Variants in SORCS1 observed in about 807,000 individuals in gnomAD.
SORCS1 encodes the protein VPS10 domain-containing receptor SorCS1.
SORCS1 carries 60 observed loss-of-function variants against 146.1 expected under a neutral mutation model. The observed-to-expected ratio is 0.41, with a 90% confidence interval of 0.33 to 0.51. The LOEUF (loss-of-function observed/expected upper bound fraction) is 0.51, where lower values mean the gene tolerates loss of function less well. SORCS1 is among the 20% of genes least tolerant of loss of function. The pLI, the probability that SORCS1 is intolerant of heterozygous loss-of-function variation, is 0.21. For missense variants in SORCS1, 1,352 were observed against 1,487.6 expected, an observed-to-expected ratio of 0.91 and a Z score of 1.50; for synonymous variants, 637 against 584.0, an observed-to-expected ratio of 1.09 and a Z score of -1.31.
intron 18 of SORCS1, among the ~76,000 whole-genome samples, chr10:106,647,681 CT>C (rs1849550234): frequency 6.6e-6 from 1 of 152,056 alleles, no homozygotes; most frequent in Non-Finnish European, 1.5e-5. Flanking sequence ...CCTGAAAGAG[CT>C]TTATTCAAGA....
chr10:106,987,999 T>C (rs1187892891), intron 1 of SORCS1, among the ~76,000 whole-genome samples: 3 of 152,196 alleles, frequency 2.0e-5, no homozygotes, highest in East Asian at 3.8e-4. Context: ...CCTGTTATAG[T>C]AAAGGCCATT....
intron 25 of SORCS1, 71 bp from the exon 26 acceptor site, chr10:106,577,626 T>A: frequency 6.3e-7 from 1 of 1,591,544 alleles, no homozygotes. Flanking sequence ...GACTTTGCAA[T>A]GTGCTGCGAT....
At position 106,679,385 on chromosome 10, in the gene SORCS1, T is replaced by C. The variant is rs1852269590; in HGVS notation, c.1664-53A>G. The C allele has an allele frequency of 2.1e-6, 3 of 1,401,612 alleles. No individual in the cohort carries two copies. The South Asian group carries it at 3.5e-5, about 17-fold the overall frequency. The allele number at this position is 1,401,612 out of a possible 1,614,324, so 86.8% of individuals were successfully genotyped here. A position where few individuals can be genotyped will look rare whatever the true frequency, so the allele number is the denominator to read the frequency against. ...AAAGAACTTTCTGCAAAAGCAACAA[T>C]GGACTATATTGGCAGGTGCACTGCC... On this transcript the variant is annotated intron_variant, in intron 11 of 25. Coordinates refer to ENST00000263054, the MANE Select transcript of SORCS1 (RefSeq NM_052918.5).
In SORCS1 at chr10:106,779,545, A is replaced by ATTT. The variant is rs1491495992; in HGVS notation, c.727-2854_727-2853insAAA. Among the ~76,000 whole-genome samples the ATTT allele has an allele frequency of 6.0e-5, 7 of 116,744 alleles. 2 individuals carry two copies. Among genetic ancestry groups the ATTT allele is most frequent in the Admixed American group, 8.4e-5 (1 of 11,844 alleles). The allele number at this position is 116,744 out of a possible 152,430, so 76.6% of individuals were successfully genotyped here. A position where few individuals can be genotyped will look rare whatever the true frequency, so the allele number is the denominator to read the frequency against. ...TCTTTTAAGTTTGACATTATGGCCCATATTTTTTTTTTTTTTTTTTTTGAG... is the reference window on the plus strand; with the variant it reads ...TCTTTTAAGTTTGACATTATGGCCCATTTTATTTTTTTTTTTTTTTTTTTTGAG... On this transcript the variant is annotated intron_variant, in intron 3 of 25. Coordinates refer to ENST00000263054, the MANE Select transcript of SORCS1 (RefSeq NM_052918.5).
intron 1 of SORCS1, among the ~76,000 whole-genome samples, chr10:107,010,685 G>A (rs1454896459): frequency 1.7e-5 from 2 of 119,464 alleles, no homozygotes; most frequent in African/African-American, 4.7e-5. Flanking sequence ...TAACCGTGGG[G>A]CCTGTGGGTC....
rs544591800 is a variant in SORCS1, at chr10:106,832,349, C to A, written c.627-2676G>T. On this transcript the variant is annotated intron_variant, in intron 2 of 25. Coordinates refer to ENST00000263054, the MANE Select transcript of SORCS1 (RefSeq NM_052918.5). ...GATTACAGGCACACATCACCACATC[C>A]AGCTAATTTTTGTATTTTTAGTAGA... 1.2e-4 allele frequency among the ~76,000 whole-genome samples: 19 copies of A among 152,072 alleles called. No individual in the cohort carries two copies. In the South Asian group the frequency reaches 3.5e-3, roughly 28 times the overall value.
chr10:107,147,948 A>G (rs1444221110), intron 1 of SORCS1, among the ~76,000 whole-genome samples: 1 of 152,158 alleles, frequency 6.6e-6, no homozygotes, highest in Non-Finnish European at 1.5e-5. Flanking sequence ...TGTTGGAGAA[A>G]TCGTCAGACA....
intron 2 of SORCS1, among the ~76,000 whole-genome samples, chr10:106,832,108 T>C (rs1164080859): frequency 1.3e-5 from 2 of 152,200 alleles, no homozygotes; most frequent in Non-Finnish European, 2.9e-5. Context: ...TCATAGCTTG[T>C]TTGAGGGAAT....
intron 21 of SORCS1, among the ~76,000 whole-genome samples, chr10:106,615,080 A>C (rs1847267662): frequency 6.6e-6 from 1 of 151,942 alleles, no homozygotes; most frequent in Non-Finnish European, 1.5e-5. Flanking sequence ...AATCTCACTA[A>C]ATTTCAAACA....
chr10:107,164,779 C>T (rs1199237312), upstream of SORCS1, among the ~76,000 whole-genome samples: 1 of 148,646 alleles, frequency 6.7e-6, no homozygotes, highest in Non-Finnish European at 1.5e-5. The surrounding 1 kb of genome is among the most constrained non-coding windows in gnomAD (Gnocchi z 6.8). Flanking sequence ...ACTGGCGGAG[C>T]GGGCGCGGGC....
Position 106,824,754 on chromosome 10 carries a change from AAC to A in SORCS1, c.726+4818_726+4819del, listed in dbSNP as rs528566611. On this transcript the variant is annotated intron_variant, in intron 3 of 25. Coordinates refer to ENST00000263054, the MANE Select transcript of SORCS1 (RefSeq NM_052918.5). ...AATTAAAACTTAAACATCTGGAGAAAACACAGTGTTTAATGCTGGTATGTACC... is the reference window on the plus strand; with the variant it reads ...AATTAAAACTTAAACATCTGGAGAAAACAGTGTTTAATGCTGGTATGTACC... 2.9e-3 allele frequency among the ~76,000 whole-genome samples: 449 copies of A among 152,306 alleles called. 3 individuals are homozygous for A. The highest frequency in any genetic ancestry group is 0.01 in the African/African-American group (429 of 41,552).
At chr10:107,160,906 G>T (rs1969651659) in intron 1 of SORCS1, among the ~76,000 whole-genome samples, 1 of 152,098 alleles carries the variant, frequency 6.6e-6, no homozygotes, top group Non-Finnish European at 1.5e-5. Context: ...TTAGATCAGG[G>T]CACAGCATGC....
At chr10:106,654,380 G>T (rs1850116871) in intron 17 of SORCS1, among the ~76,000 whole-genome samples, 1 of 152,150 alleles carries the variant, frequency 6.6e-6, no homozygotes, top group African/African-American at 2.4e-5. Flanking sequence ...TTTGTCTCTA[G>T]CACACATCCC....
intron 2 of SORCS1, among the ~76,000 whole-genome samples, chr10:106,939,281 C>T (rs1047472367): frequency 6.6e-6 from 1 of 152,174 alleles, no homozygotes; most frequent in African/African-American, 2.4e-5. Flanking sequence ...AAAGGGTATA[C>T]GTTTGGAATA....
Position 107,164,677 on chromosome 10 carries a change from G to C in SORCS1, c.-151C>G, listed in dbSNP as rs1969981555. 4 of 581,492 alleles carry C rather than the reference G, an allele frequency of 6.9e-6. No individual in the cohort carries two copies. The highest frequency in any genetic ancestry group is 1.0e-5 in the Non-Finnish European group (4 of 394,266). The allele number at this position is 581,492 out of a possible 1,614,324, so 36.0% of individuals were successfully genotyped here. A position where few individuals can be genotyped will look rare whatever the true frequency, so the allele number is the denominator to read the frequency against. ...GGCGGGCGGAGGCGGCGCCGGGCAG[G>C]TGGCGGCCGCTTGCCCGGGCTGGGC... On this transcript the variant is annotated 5_prime_UTR_variant, in exon 1 of 26. Transcript: ENST00000263054. The surrounding 1 kb of genome is among the most constrained non-coding windows in gnomAD (Gnocchi z 6.8).
At chr10:107,109,275 T>C (rs1278845528) in intron 1 of SORCS1, among the ~76,000 whole-genome samples, 1 of 152,236 alleles carries the variant, frequency 6.6e-6, no homozygotes, top group Admixed American at 6.5e-5. Flanking sequence ...AGAGGTTCTC[T>C]GTGAGGGTTA....
chr10:106,642,647 C>A (rs549775546), intron 18 of SORCS1, among the ~76,000 whole-genome samples: 7 of 151,914 alleles, frequency 4.6e-5, no homozygotes, highest in Admixed American at 3.9e-4. Context: ...TAATTTATAC[C>A]CAAGCCTCTG....
At chr10:106,943,239 A>G (rs1409008233) in intron 2 of SORCS1, among the ~76,000 whole-genome samples, 1 of 152,020 alleles carries the variant, frequency 6.6e-6, no homozygotes, top group Admixed American at 6.6e-5. Context: ...TCCTCTGCCT[A>G]ATTTTTCTTC....
At chr10:106,796,124 A>G (rs1377139003) in intron 3 of SORCS1, among the ~76,000 whole-genome samples, 1 of 152,210 alleles carries the variant, frequency 6.6e-6, no homozygotes, top group Non-Finnish European at 1.5e-5. Context: ...ACTGGATCTT[A>G]GCATTTTAGT....
Sources: allele counts gnomAD v4.1 joint callset (sites outside exome capture counted in the v4.1 genomes callset), GRCh38; gene constraint gnomAD v4.1.1; non-coding constraint Gnocchi (gnomAD v3.1); transcripts MANE v1.5; gene names NCBI Gene and HGNC (gene_info 2026-07-23, HGNC 2026-07-21).